The following MAN2A1 variants were observed in gnomAD, a reference collection of about 807,000 sequenced individuals.
MAN2A1 encodes the protein alpha-mannosidase 2.
In MAN2A1, 76 loss-of-function variants were observed where a neutral mutation model predicts 142.6. That is an observed-to-expected ratio of 0.53 (90% CI 0.44 to 0.65). The LOEUF (loss-of-function observed/expected upper bound fraction) is 0.65. MAN2A1 is among the 30% of genes least tolerant of loss of function. The pLI is 0.00. For synonymous variants in MAN2A1, 559 were observed against 473.2 expected (o/e 1.18, Z -2.35); for missense variants, 1,311 against 1,365.1 (o/e 0.96, Z 0.62).
rs34048618 is a variant in MAN2A1 at position 109,702,315 on chromosome 5, T to TTGTGTGTGTGTG, written c.136-11179_136-11168dup. On this transcript the variant is annotated intron_variant, in intron 1 of 21. Coordinates refer to ENST00000261483, the MANE Select transcript of MAN2A1 (RefSeq NM_002372.4). ...TTTCTGGGTTAAGACAGAACATAAA[T>TTGTGTGTGTGTG]TGTGTGTGTGTGTGTGTGTGTGTGT... Among the ~76,000 whole-genome samples the TTGTGTGTGTGTG allele has an allele frequency of 6.2e-3, 890 of 144,128 alleles. 4 individuals carry two copies. Among genetic ancestry groups the TTGTGTGTGTGTG allele is most frequent in the Non-Finnish European group, 7.2e-3 (474 of 66,138 alleles). 94.6% of individuals were successfully genotyped at this position (144,128 alleles called of 152,430 possible).
chr5:109,864,652 T>C (rs1210051488), intron 20 of MAN2A1: 1 of 164,152 alleles, frequency 6.1e-6, no homozygotes, highest in East Asian at 1.7e-4. Context: ...AGGACTAAGT[T>C]CAGGTGCAGT....
At chr5:109,713,469 G>T (rs1582814567) in intron 1 of MAN2A1, 51 bp from the exon 2 acceptor site, 3 of 1,480,854 alleles carry the variant, frequency 2.0e-6, no homozygotes, top group Middle Eastern at 3.6e-4. Flanking sequence ...GTATGCCTCA[G>T]CAGATCTATA....
chr5:109,745,244 C>T (rs1023239238), intron 4 of MAN2A1, among the ~76,000 whole-genome samples: 7 of 151,648 alleles, frequency 4.6e-5, no homozygotes, highest in African/African-American at 1.7e-4. Context: ...TGTTATATCT[C>T]AATTAAAATA....
At chr5:109,865,217 C>A in intron 21 of MAN2A1, 71 bp downstream of exon 21, 2 of 1,069,516 alleles carry the variant, frequency 1.9e-6, no homozygotes, top group Non-Finnish European at 2.9e-6. Flanking sequence ...AGGATCTTGA[C>A]AATAAGATCA....
intron 16 of MAN2A1, among the ~76,000 whole-genome samples, chr5:109,827,878 G>T (rs917628656): frequency 3.9e-5 from 6 of 152,120 alleles, no homozygotes; most frequent in African/African-American, 1.2e-4. Context: ...AAGGCAGGCG[G>T]ATCACAAGGT....
At chr5:109,820,661 T>C (rs534982227) in intron 15 of MAN2A1, among the ~76,000 whole-genome samples, 6 of 152,106 alleles carry the variant, frequency 3.9e-5, no homozygotes, top group South Asian at 4.2e-4. Context: ...ATACAAAAAT[T>C]AGGCATGGTG....
intron 16 of MAN2A1, among the ~76,000 whole-genome samples, chr5:109,839,627 C>A (rs1445021471): frequency 6.9e-6 from 1 of 145,446 alleles, no homozygotes; most frequent in African/African-American, 2.5e-5. Context: ...GCCTGAACAA[C>A]ATAGTGAGGC....
chr5:109,698,204 C>T (rs142840982), intron 1 of MAN2A1, among the ~76,000 whole-genome samples: 1 of 152,352 alleles, frequency 6.6e-6, no homozygotes, highest in African/African-American at 2.4e-5. Flanking sequence ...GTATCTTCTT[C>T]ATAAGCTGTA....
At chr5:109,786,165 G>A (rs1333112981) in intron 10 of MAN2A1, among the ~76,000 whole-genome samples, 3 of 151,970 alleles carry the variant, frequency 2.0e-5, no homozygotes, top group Non-Finnish European at 4.4e-5. Flanking sequence ...TTGATCTGGG[G>A]TTAAAGTAGA....
At chr5:109,866,649 C>T (rs766630241) in intron 21 of MAN2A1, among the ~76,000 whole-genome samples, 197 bp from the exon 22 acceptor site, 11 of 151,990 alleles carry the variant, frequency 7.2e-5, no homozygotes, top group South Asian at 2.1e-4. Flanking sequence ...TTTAATTCAC[C>T]CTTTTTTCTG....
At position 109,690,570 on chromosome 5, in the gene MAN2A1, G is replaced by C; in HGVS notation, c.135+18G>C. The C allele has an allele frequency of 6.3e-7, 1 of 1,577,994 alleles. No individual in the cohort carries two copies. Among genetic ancestry groups the C allele is most frequent in the South Asian group, 1.1e-5 (1 of 87,590 alleles). ...TCCCTCAGGTAAGCACCTGGGAAGG[G>C]GGCGCGGGGCTCCGAGGGGCCAGGC... is the stretch of plus-strand genomic sequence containing the variant. On this transcript the variant is annotated intron_variant, in intron 1 of 21. Coordinates refer to ENST00000261483, the MANE Select transcript of MAN2A1 (RefSeq NM_002372.4).
At chr5:109,844,901 A>T (rs1348189440) in intron 17 of MAN2A1, among the ~76,000 whole-genome samples, 2 of 152,204 alleles carry the variant, frequency 1.3e-5, no homozygotes, top group African/African-American at 2.4e-5. Context: ...TCAAAATAAG[A>T]TCACATTCAT....
At chr5:109,788,830 A>G in intron 10 of MAN2A1, 104 bp from the exon 11 acceptor site, 1 of 618,200 alleles carries the variant, frequency 1.6e-6, no homozygotes, top group East Asian at 2.8e-5. Flanking sequence ...CACTTTGAAT[A>G]CAAGATGAAG....
intron 4 of MAN2A1, among the ~76,000 whole-genome samples, chr5:109,739,716 A>G (rs1329024779): frequency 6.6e-6 from 1 of 152,128 alleles, no homozygotes; most frequent in Non-Finnish European, 1.5e-5. Context: ...TTCTAACCAT[A>G]TACTTTCAGT....
intron 21 of MAN2A1, among the ~76,000 whole-genome samples, chr5:109,866,548 AAG>A (rs1303736093): frequency 1.3e-5 from 2 of 152,170 alleles, no homozygotes; most frequent in African/African-American, 4.8e-5. Context: ...GCAATACAAA[AAG>A]GAATGCAGAA....
intron 12 of MAN2A1, among the ~76,000 whole-genome samples, chr5:109,811,702 A>G (rs1754325076): frequency 6.6e-6 from 1 of 151,688 alleles, no homozygotes; most frequent in South Asian, 2.1e-4. Context: ...TGAACTTACC[A>G]GTTTGTTTCT....
At chr5:109,694,622 T>G (rs1474600587) in intron 1 of MAN2A1, among the ~76,000 whole-genome samples, 1 of 151,974 alleles carries the variant, frequency 6.6e-6, no homozygotes, top group African/African-American at 2.4e-5. Flanking sequence ...GTGCTGGGAT[T>G]ATAGGTGTGA....
At position 109,819,729 on chromosome 5, in the gene MAN2A1, G is replaced by T. The variant is rs772428504; in HGVS notation, c.2170G>T (p.Ala724Ser). ...GLKVYKILES[A>S]SSNSHLADYV... ...GAAAGTGTATAAGATTTTGGAATCAGCAAGTTCAAATTCACATTTAGCTGA... is the reference window on the plus strand; with the variant it reads ...GAAAGTGTATAAGATTTTGGAATCATCAAGTTCAAATTCACATTTAGCTGA... Residue 724 changes from alanine to serine, a missense_variant, in exon 14 of 22, where the codon GCA (alanine) becomes TCA (serine). Transcript: ENST00000261483. 6.2e-7 allele frequency: 1 copy of T among 1,612,136 alleles called. No homozygotes were observed.
At chr5:109,742,748 G>A (rs1484695742) in intron 4 of MAN2A1, among the ~76,000 whole-genome samples, 1 of 152,156 alleles carries the variant, frequency 6.6e-6, no homozygotes, top group Non-Finnish European at 1.5e-5. Flanking sequence ...TTGCAGATTT[G>A]GATTGAGTTT....
Sources: gnomAD v4.1 joint callset for allele counts (sites outside exome capture counted in the v4.1 genomes callset) on GRCh38, gnomAD v4.1.1 for gene constraint, MANE v1.5 for transcripts, NCBI Gene and HGNC (gene_info 2026-07-23, HGNC 2026-07-21) for gene names.